The following PPARG variants were observed in gnomAD, a reference collection of about 807,000 sequenced individuals.
PPARG encodes peroxisome proliferator-activated receptor gamma.
Under a neutral mutation model 39.2 loss-of-function variants are expected in PPARG, and 17 were observed. That is an observed-to-expected ratio of 0.43 (90% confidence interval 0.30 to 0.65). PPARG has a LOEUF of 0.65. Among genes scored for constraint, PPARG ranks in the 30% least tolerant of loss-of-function variants. PPARG has a pLI of 0.13. For missense variants in PPARG, 406 were observed against 585.9 expected, an observed-to-expected ratio of 0.69 and a Z score of 3.17; for synonymous variants, 223 against 215.7, an observed-to-expected ratio of 1.03 and a Z score of -0.30.
At chr3:12,304,036 C>A (rs548072769) in intron 1 of PPARG, among the ~76,000 whole-genome samples, 55 of 152,282 alleles carry the variant, frequency 3.6e-4, no homozygotes, top group South Asian at 3.1e-3. Flanking sequence ...TTCCACAATT[C>A]TTTTTAAAGC....
At chr3:12,288,693 G>A (rs1167293014), upstream of PPARG, 2 of 152,380 alleles carry the variant, frequency 1.3e-5, no homozygotes, top group East Asian at 1.9e-4. Context: ...AGCTGGCCAG[G>A]CCCTGTGCCC....
chr3:12,335,653 A>T (rs1021472012), intron 2 of PPARG, among the ~76,000 whole-genome samples: 1 of 152,226 alleles, frequency 6.6e-6, no homozygotes, highest in Non-Finnish European at 1.5e-5. Flanking sequence ...TACGGCAAAA[A>T]CTTTGCAATT....
chr3:12,398,074 TC>T (rs1260343298), intron 5 of PPARG, among the ~76,000 whole-genome samples: 1 of 152,140 alleles, frequency 6.6e-6, no homozygotes, highest in Non-Finnish European at 1.5e-5. Flanking sequence ...CTTTTCTGAT[TC>T]CCTGCTCTTC....
Position 12,368,540 on chromosome 3 carries a change from C to G in PPARG, c.-8-11164C>G, listed in dbSNP as rs1245100976. Reference sequence around the variant, plus strand: ...TAAAAGATTCTATATTCAGAGAAACCATGACAGAATTTAAACTCTAGCCCC... The same window carrying G: ...TAAAAGATTCTATATTCAGAGAAACGATGACAGAATTTAAACTCTAGCCCC... On this transcript the variant is annotated intron_variant, in intron 2 of 7. Transcript: ENST00000651735. 2.0e-5 allele frequency among the ~76,000 whole-genome samples: 3 copies of G among 152,120 alleles called. No individual in the cohort carries two copies. The East Asian group carries it at 5.8e-4, about 29-fold the overall frequency.
intron 4 of PPARG, among the ~76,000 whole-genome samples, chr3:12,386,136 A>C (rs1201523331): frequency 6.6e-6 from 1 of 152,198 alleles, no homozygotes; most frequent in Non-Finnish European, 1.5e-5. Flanking sequence ...CTAAAATAAT[A>C]AAAAAGTGTT....
chr3:12,434,300 C>A lies in PPARG; in HGVS notation c.*155C>A. ...TTTATGCATATTGTTTATAAAGACA[C>A]ATTTACAATTTACTTTTAATATTAA... On this transcript the variant is annotated 3_prime_UTR_variant, in exon 8 of 8. Transcript: ENST00000651735. The surrounding 1 kb of genome is among the most constrained non-coding windows in gnomAD (Gnocchi z 4.2). The A allele has an allele frequency of 2.1e-6, 2 of 966,696 alleles. No homozygotes were observed. The highest frequency in any genetic ancestry group is 3.1e-6 in the Non-Finnish European group (2 of 648,900). 59.9% of individuals were successfully genotyped at this position (966,696 alleles called of 1,614,324 possible).
chr3:12,288,081 A>C (rs1258713793), upstream of PPARG: 1 of 151,192 alleles, frequency 6.6e-6, no homozygotes, highest in Non-Finnish European at 1.5e-5. Flanking sequence ...GGGAGTGCTC[A>C]GGGAGGGGGC....
intron 1 of PPARG, among the ~76,000 whole-genome samples, chr3:12,305,613 T>G (rs1375333401): frequency 6.6e-6 from 1 of 152,222 alleles, no homozygotes; most frequent in African/African-American, 2.4e-5. Context: ...AGTATTTGTT[T>G]TGTTAATTCT....
intron 2 of PPARG, among the ~76,000 whole-genome samples, chr3:12,337,552 A>G (rs1032988172): frequency 5.3e-5 from 8 of 152,166 alleles, no homozygotes; most frequent in Admixed American, 1.3e-4. Flanking sequence ...AAGCCATCTA[A>G]TCTACTCTCC....
At position 12,334,603 on chromosome 3, in the gene PPARG, C is replaced by T. The variant is rs76568382; in HGVS notation, c.-9+22150C>T. On this transcript the variant is annotated intron_variant, in intron 2 of 7. Coordinates refer to ENST00000651735, the MANE Select transcript of PPARG (RefSeq NM_138711.6). ...TGATTTGGGCCAAGTTACATAGCTTCTGTGAACCTCCTCAGTTTTCAACAA... is the reference window on the plus strand; with the variant it reads ...TGATTTGGGCCAAGTTACATAGCTTTTGTGAACCTCCTCAGTTTTCAACAA... Among the ~76,000 whole-genome samples, 686 of 152,276 alleles carry T rather than the reference C, an allele frequency of 4.5e-3. 1 individual carries two copies. The highest frequency in any genetic ancestry group is 6.8e-3 in the Non-Finnish European group (464 of 68,020).
chr3:12,403,843 A>C (rs1165463750), intron 5 of PPARG, among the ~76,000 whole-genome samples: 1 of 152,230 alleles, frequency 6.6e-6, no homozygotes. Context: ...ATTGTATTTC[A>C]AAATACAGTA....
intron 2 of PPARG, among the ~76,000 whole-genome samples, chr3:12,339,030 T>G (rs2048095616): frequency 6.6e-6 from 1 of 152,176 alleles, no homozygotes; most frequent in Non-Finnish European, 1.5e-5. Flanking sequence ...GGAAACAATC[T>G]AAATGTCCAT....
intron 6 of PPARG, among the ~76,000 whole-genome samples, chr3:12,416,256 G>A (rs1459915410): frequency 6.6e-6 from 1 of 152,206 alleles, no homozygotes; most frequent in Non-Finnish European, 1.5e-5. Context: ...GTGCATGCCA[G>A]TAATCCCAGC....
At chr3:12,366,080 G>C (rs1183345712) in intron 2 of PPARG, among the ~76,000 whole-genome samples, 2 of 151,980 alleles carry the variant, frequency 1.3e-5, no homozygotes, top group East Asian at 3.8e-4. Flanking sequence ...TCTTTCATCA[G>C]AGTTTTGTAG....
At chr3:12,402,438 C>G (rs1447063148) in intron 5 of PPARG, among the ~76,000 whole-genome samples, 3 of 151,206 alleles carry the variant, frequency 2.0e-5, no homozygotes, top group Admixed American at 6.5e-5. Flanking sequence ...GGAGTTTAAT[C>G]CATCAAACAT....
intron 2 of PPARG, among the ~76,000 whole-genome samples, chr3:12,329,504 A>G (rs1267188611): frequency 6.6e-6 from 1 of 152,236 alleles, no homozygotes; most frequent in Non-Finnish European, 1.5e-5. Flanking sequence ...TTGATTGTAG[A>G]ACAAATTTTC....
chr3:12,388,110 A>C (rs144318915), intron 4 of PPARG, among the ~76,000 whole-genome samples: 1 of 152,266 alleles, frequency 6.6e-6, no homozygotes, highest in East Asian at 1.9e-4. Context: ...CAGGATTTTC[A>C]CCAACATTTA....
intron 2 of PPARG, among the ~76,000 whole-genome samples, chr3:12,340,173 C>G (rs1575019644): frequency 6.6e-6 from 1 of 152,224 alleles, no homozygotes; most frequent in African/African-American, 2.4e-5. Context: ...CCATTGTTTT[C>G]TCCTGCTGCC....
At chr3:12,411,677 G>A (rs191749238) in intron 6 of PPARG, among the ~76,000 whole-genome samples, 34 of 152,250 alleles carry the variant, frequency 2.2e-4, no homozygotes, top group Non-Finnish European at 4.0e-4. Flanking sequence ...TCTGGCTTCC[G>A]TTTATCCATT....
Sources: allele counts gnomAD v4.1 joint callset (sites outside exome capture counted in the v4.1 genomes callset), GRCh38; gene constraint gnomAD v4.1.1; non-coding constraint Gnocchi (gnomAD v3.1); transcripts MANE v1.5; gene names NCBI Gene and HGNC (gene_info 2026-07-23, HGNC 2026-07-21).